PAPPA: variants seen among roughly 807,000 people sequenced by gnomAD.
The protein encoded by PAPPA is pappalysin-1.
PAPPA carries 60 observed loss-of-function variants against 164.0 expected under a neutral mutation model. The ratio of observed to expected loss-of-function variants is 0.37; its 90% CI spans 0.30 to 0.45. The LOEUF (loss-of-function observed/expected upper bound fraction) is 0.45, where lower values mean the gene tolerates loss of function less well. Among genes scored for constraint, PAPPA ranks in the 20% least tolerant of loss-of-function variants. The pLI is 1.00. For missense variants in PAPPA, 1,782 were observed against 2,087.3 expected (o/e 0.85, Z 2.85); for synonymous variants, 875 against 814.1 (o/e 1.07, Z -1.27).
chr9:116,200,436 C>T (rs982258827), intron 2 of PAPPA, among the ~76,000 whole-genome samples: 57 of 152,162 alleles, frequency 3.7e-4, no homozygotes, highest in Middle Eastern at 3.2e-3. Context: ...TGTGTCCCCC[C>T]TCTGACACTT....
At chr9:116,247,381 T>G (rs1844809164) in intron 7 of PAPPA, among the ~76,000 whole-genome samples, 1 of 152,222 alleles carries the variant, frequency 6.6e-6, no homozygotes, top group East Asian at 1.9e-4. Context: ...ATGTAGTCTA[T>G]TCTGACATTG....
chr9:116,188,423 A>T (rs1844004919), intron 2 of PAPPA, among the ~76,000 whole-genome samples: 1 of 152,170 alleles, frequency 6.6e-6, no homozygotes, highest in South Asian at 2.1e-4. Flanking sequence ...TTGAGTGCCT[A>T]CCATGAGTCA....
chr9:116,216,270 T>C (rs1271765009), intron 4 of PAPPA, among the ~76,000 whole-genome samples: 2 of 152,114 alleles, frequency 1.3e-5, no homozygotes, highest in Non-Finnish European at 2.9e-5. Flanking sequence ...CATTTTATGG[T>C]GGGTGAAAAT....
chr9:116,234,495 A>T (rs1177661023), intron 6 of PAPPA, among the ~76,000 whole-genome samples: 1 of 151,970 alleles, frequency 6.6e-6, no homozygotes, highest in Non-Finnish European at 1.5e-5. Flanking sequence ...TGCAGGGTGG[A>T]TGCTATTTAT....
intron 7 of PAPPA, among the ~76,000 whole-genome samples, chr9:116,239,425 C>T (rs1482146449): frequency 6.6e-6 from 1 of 152,150 alleles, no homozygotes; most frequent in Admixed American, 6.5e-5. Context: ...ACATTAAGCC[C>T]TTCTCTATGG....
intron 1 of PAPPA, among the ~76,000 whole-genome samples, chr9:116,177,918 C>T (rs188498951): frequency 2.6e-5 from 4 of 152,020 alleles, no homozygotes; most frequent in Non-Finnish European, 4.4e-5. Context: ...TCCTTTCTTA[C>T]GTTGATGTGC....
chr9:116,380,951 T>G (rs1846722958), intron 20 of PAPPA, among the ~76,000 whole-genome samples: 1 of 152,200 alleles, frequency 6.6e-6, no homozygotes, highest in Admixed American at 6.5e-5. Context: ...CATGCTTGGA[T>G]GCAAAGGTCT....
intron 8 of PAPPA, 130 bp downstream of exon 8, chr9:116,266,115 C>T: frequency 1.4e-6 from 1 of 723,950 alleles, no homozygotes; most frequent in South Asian, 2.8e-5. Flanking sequence ...TGGTCCCCAG[C>T]AGTCTCTGGA....
In PAPPA at chr9:116,188,030, C is replaced by G. The variant is rs774728290; in HGVS notation, c.1292C>G (p.Thr431Arg). Residue 431 changes from threonine to arginine, a missense_variant, in exon 2 of 22, where the codon ACG (threonine) becomes AGG (arginine). Physicochemically the swap from Thr to Arg is moderately conservative, Grantham distance 71 (BLOSUM62 -1). Around this residue, in one of 2 missense-constraint regions of PAPPA, gnomAD observed 1,324 missense variants for 1,656.9 expected, o/e 0.80. Transcript: ENST00000328252. ...DENCDPECNH[T>R]LTGHDGGDCR... ...AACTGTGACCCCGAGTGCAACCACA[C>G]GCTGACGGGCCACGACGGCGGGGAT... 10 of 1,614,188 alleles carry G rather than the reference C, an allele frequency of 6.2e-6. No homozygotes were observed. The highest frequency in any genetic ancestry group is 8.5e-6 in the Non-Finnish European group (10 of 1,180,022).
chr9:116,165,083 T>G lies in PAPPA; in HGVS notation c.415+10496T>G, dbSNP rs564472022. On this transcript the variant is annotated intron_variant, in intron 1 of 21. Transcript: ENST00000328252. ...TTACTCTTCCACTGGTAAATACTCTTGCATGACTGCCCAAAAGCTTTGTGT... is the reference window on the plus strand; with the variant it reads ...TTACTCTTCCACTGGTAAATACTCTGGCATGACTGCCCAAAAGCTTTGTGT... Among the ~76,000 whole-genome samples the G allele has an allele frequency of 2.6e-5, 4 of 152,296 alleles. No individual in the cohort carries two copies. In the South Asian group the frequency reaches 8.3e-4, roughly 32 times the overall value.
chr9:116,308,679 T>C (rs909197625), intron 10 of PAPPA, among the ~76,000 whole-genome samples: 1 of 152,208 alleles, frequency 6.6e-6, no homozygotes, highest in Non-Finnish European at 1.5e-5. Context: ...TTTTAATATG[T>C]GGTACGTATT....
At chr9:116,177,115 C>T (rs1248205301) in intron 1 of PAPPA, among the ~76,000 whole-genome samples, 1 of 152,140 alleles carries the variant, frequency 6.6e-6, no homozygotes, top group African/African-American at 2.4e-5. Flanking sequence ...TTCCCATGTG[C>T]ATTTGGTTTT....
At chr9:116,230,162 G>A (rs1359270353) in intron 6 of PAPPA, among the ~76,000 whole-genome samples, 1 of 152,128 alleles carries the variant, frequency 6.6e-6, no homozygotes, top group Non-Finnish European at 1.5e-5. Flanking sequence ...TAGTACATGT[G>A]CACCAGGAAA....
At chr9:116,358,427 G>A (rs745380691) in intron 17 of PAPPA, among the ~76,000 whole-genome samples, 15 of 152,234 alleles carry the variant, frequency 9.9e-5, no homozygotes, top group Non-Finnish European at 1.6e-4. Flanking sequence ...GCCAGCCACT[G>A]AGATGAGCAC....
At position 116,219,942 on chromosome 9, in the gene PAPPA, G is replaced by T. The variant is rs764482965; in HGVS notation, c.1924G>T (p.Asp642Tyr). 21 of 1,610,792 alleles carry T rather than the reference G, an allele frequency of 1.3e-5. No homozygotes were observed. The highest frequency in any genetic ancestry group is 1.8e-5 in the Non-Finnish European group (21 of 1,177,972). The stretch of plus-strand genomic sequence containing the variant: ...CTCCCTCTGCCTGCTTGCAGATGAC[G>T]ACTGTACGGACTCCTTCACGCCCAA... ...YNNFMSYADDDCTDSFTPNQV... is the reference protein window; with the variant it reads ...YNNFMSYADDYCTDSFTPNQV... Residue 642 changes from aspartate to tyrosine, a missense_variant, in exon 5 of 22, where the codon GAC becomes TAC. Coordinates refer to ENST00000328252, the MANE Select transcript of PAPPA (RefSeq NM_002581.5).
In PAPPA at chr9:116,367,204, A is replaced by G. The variant is rs146779934; in HGVS notation, c.4496-441A>G. 4.3e-3 allele frequency among the ~76,000 whole-genome samples: 659 copies of G among 152,366 alleles called. 4 individuals carry two copies. The highest frequency in any genetic ancestry group is 0.014 in the Middle Eastern group (4 of 294). ...ATGGGATGAACAAGAGAAGAAGCACAGAGGATGAGAATTGTGGGACTCAGA... is the reference window on the plus strand; with the variant it reads ...ATGGGATGAACAAGAGAAGAAGCACGGAGGATGAGAATTGTGGGACTCAGA... On this transcript the variant is annotated intron_variant, in intron 18 of 21. Coordinates refer to ENST00000328252, the MANE Select transcript of PAPPA (RefSeq NM_002581.5).
intron 4 of PAPPA, among the ~76,000 whole-genome samples, chr9:116,215,912 TAGAA>T (rs1028228054): frequency 6.6e-6 from 1 of 151,868 alleles, no homozygotes; most frequent in African/African-American, 2.4e-5. Flanking sequence ...ATAAGAATTA[TAGAA>T]ATTTACTGTA....
At chr9:116,269,022 G>T (rs2118821143) in intron 8 of PAPPA, among the ~76,000 whole-genome samples, 1 of 152,264 alleles carries the variant, frequency 6.6e-6, no homozygotes, top group East Asian at 1.9e-4. Flanking sequence ...TGTCTTAAAT[G>T]ATCCATAGCA....
chr9:116,379,062 C>A (rs977693550), intron 20 of PAPPA, among the ~76,000 whole-genome samples: 1 of 152,202 alleles, frequency 6.6e-6, no homozygotes, highest in Admixed American at 6.5e-5. Flanking sequence ...GTTACCTGGG[C>A]ACTCATTCTG....
Sources: gnomAD v4.1 joint callset for allele counts (sites outside exome capture counted in the v4.1 genomes callset) on GRCh38, gnomAD v4.1.1 for gene constraint, gnomAD v4.1.1 regional missense constraint, MANE v1.5 for transcripts, NCBI Gene and HGNC (gene_info 2026-07-23, HGNC 2026-07-21) for gene names.